The following KIAA0586 variants were observed in gnomAD, a reference collection of about 807,000 sequenced individuals.
KIAA0586 encodes KIAA0586.
Under a neutral mutation model 169.8 loss-of-function variants are expected in KIAA0586, and 144 were observed. The observed-to-expected ratio is 0.85, with a 90% CI of 0.74 to 0.97. The LOEUF (loss-of-function observed/expected upper bound fraction) is 0.97. KIAA0586 is among the 50% of genes least tolerant of loss of function. The pLI is 0.00. For missense variants in KIAA0586, 1,854 were observed against 1,823.0 expected (o/e 1.02, Z -0.31); for synonymous variants, 625 against 612.4 (o/e 1.02, Z -0.30).
intron 27 of KIAA0586, among the ~76,000 whole-genome samples, chr14:58,500,900 G>A (rs1446293266): frequency 2.0e-5 from 3 of 152,116 alleles, no homozygotes; most frequent in Non-Finnish European, 4.4e-5. Flanking sequence ...TCGTTGTTCA[G>A]CATCAACTGG....
rs369842274 is a variant in KIAA0586 at position 58,478,414 on chromosome 14, C to T, written c.2944+1173C>T. On this transcript the variant is annotated intron_variant, in intron 20 of 30. Transcript: ENST00000652326. The stretch of plus-strand genomic sequence containing the variant: ...AGGAGAATTGCTTGAACCCAGGAGG[C>T]GGAGGTTGCAGTGAGCCAAGGTCAC... Among the ~76,000 whole-genome samples the T allele has an allele frequency of 3.9e-5, 6 of 152,274 alleles. 1 individual carries two copies. Among genetic ancestry groups the T allele is most frequent in the African/African-American group, 2.4e-5 (1 of 41,560 alleles).
At chr14:58,552,359 TTTC>T (rs2140173153), downstream of KIAA0586, among the ~76,000 whole-genome samples, 1 of 152,272 alleles carries the variant, frequency 6.6e-6, no homozygotes, top group South Asian at 2.1e-4. Context: ...AAAATAATTT[TTTC>T]TTCTTGTCCT....
At chr14:58,524,708 T>G (rs1232729821) in intron 29 of KIAA0586, among the ~76,000 whole-genome samples, 2 of 152,332 alleles carry the variant, frequency 1.3e-5, no homozygotes, top group East Asian at 3.9e-4. Context: ...AGTATAGATA[T>G]TTCATGGTAA....
At chr14:58,512,667 C>A in intron 29 of KIAA0586, 40 bp downstream of exon 29, 1 of 1,033,598 alleles carries the variant, frequency 9.7e-7, no homozygotes, top group East Asian at 3.0e-5. Flanking sequence ...TAGTTTGATA[C>A]TTGTCTGAAT....
intron 9 of KIAA0586, among the ~76,000 whole-genome samples, chr14:58,456,095 A>G (rs940735338): frequency 6.6e-6 from 1 of 152,126 alleles, no homozygotes; most frequent in African/African-American, 2.4e-5. Flanking sequence ...CAGTTCAAAT[A>G]AAGACAAACA....
intron 29 of KIAA0586, among the ~76,000 whole-genome samples, chr14:58,538,622 A>G (rs573660462): frequency 1.3e-5 from 2 of 151,818 alleles, no homozygotes; most frequent in African/African-American, 4.8e-5. Context: ...ATTATTTTTT[A>G]CTATAGTCAC....
intron 26 of KIAA0586, among the ~76,000 whole-genome samples, chr14:58,494,206 T>C (rs1389091108): frequency 6.6e-6 from 1 of 152,026 alleles, no homozygotes; most frequent in Non-Finnish European, 1.5e-5. Context: ...ATTTTCTGTC[T>C]TTCTTTTCTT....
chr14:58,460,022 A>G lies in KIAA0586; in HGVS notation c.1836A>G (p.Leu612=), dbSNP rs567927914. The change falls in exon 13 of 31, where the codon CTA becomes CTG. Residue 612 remains leucine, a synonymous_variant. Transcript: ENST00000652326. ...QKQIEEHFRN[L]PMRGMPASSL... ...AAATAGAAGAGCATTTTAGAAATCTACCTATGAGGGGCATGCCTGCTTCAA... is the reference window on the plus strand; with the variant it reads ...AAATAGAAGAGCATTTTAGAAATCTGCCTATGAGGGGCATGCCTGCTTCAA... 3.3e-6 allele frequency: 5 copies of G among 1,534,340 alleles called. No homozygotes were observed. In the South Asian group the frequency reaches 3.6e-5, roughly 11 times the overall value.
At chr14:58,536,099 T>G (rs1307803959) in intron 29 of KIAA0586, among the ~76,000 whole-genome samples, 3 of 152,134 alleles carry the variant, frequency 2.0e-5, no homozygotes, top group African/African-American at 7.2e-5. Context: ...CAAATTTCAA[T>G]TTTTTAAAAA....
rs756960694 is a variant in KIAA0586, at chr14:58,490,176, T to G, written c.3794T>G (p.Ile1265Arg). Residue 1265 changes from isoleucine to arginine, a missense_variant, in exon 25 of 31, where the codon ATA becomes AGA. Physicochemically the swap from Ile to Arg is moderately conservative, Grantham distance 97. Coordinates refer to ENST00000652326, the MANE Select transcript of KIAA0586 (RefSeq NM_001329943.3). ...TTTTAATTTCTAGTTTTAGAAGATA[T>G]AGGACTGTACCTGACAAACCTTAAT... ...QKLAPKILEDIGLYLTNLNDS... is the reference protein window; with the variant it reads ...QKLAPKILEDRGLYLTNLNDS... 1 of 1,457,624 alleles carries G rather than the reference T, an allele frequency of 6.9e-7. No individual in the cohort carries two copies. Among genetic ancestry groups the G allele is most frequent in the African/African-American group, 1.4e-5 (1 of 69,968 alleles). 90.3% of individuals were successfully genotyped at this position (1,457,624 alleles called of 1,614,324 possible).
In KIAA0586 at chr14:58,521,220, A is replaced by G. The variant is rs2045197258; in HGVS notation, c.4429+8593A>G. The G allele has an allele frequency of 6.1e-6, 6 of 978,414 alleles. No individual in the cohort carries two copies. In the South Asian group the frequency reaches 8.4e-5, roughly 14 times the overall value. 60.6% of individuals were successfully genotyped at this position (978,414 alleles called of 1,614,324 possible). On this transcript the variant is annotated intron_variant, in intron 29 of 30. Coordinates refer to ENST00000652326, the MANE Select transcript of KIAA0586 (RefSeq NM_001329943.3). The stretch of plus-strand genomic sequence containing the variant: ...TTTGTGAGAAGCCTCATCATCCAAC[A>G]CAGTGGCCAGCAACGTTGCCGACAA...
At chr14:58,528,771 A>G (rs761432372) in intron 29 of KIAA0586, among the ~76,000 whole-genome samples, 1 of 152,222 alleles carries the variant, frequency 6.6e-6, no homozygotes, top group Non-Finnish European at 1.5e-5. Flanking sequence ...TAAAATTGGC[A>G]CCCTAACATC....
At chr14:58,508,732 A>G (rs2044177366) in intron 28 of KIAA0586, 23 bp downstream of exon 28, 2 of 1,548,548 alleles carry the variant, frequency 1.3e-6, no homozygotes, top group Non-Finnish European at 1.8e-6. Flanking sequence ...TAGCACTTGT[A>G]TTTTACTTAA....
chr14:58,481,809 CTTTGT>C lies in KIAA0586; in HGVS notation c.2945-685_2945-681del, dbSNP rs1263578393. Reference sequence around the variant, plus strand: ...ATACACGTATATTGGCATCTCTAAACTTTGTTTTGTTTTGTTTTGTTTTTGACAGA... The same window carrying C: ...ATACACGTATATTGGCATCTCTAAACTTTGTTTTGTTTTGTTTTTGACAGA... On this transcript the variant is annotated intron_variant, in intron 20 of 30. Coordinates refer to ENST00000652326, the MANE Select transcript of KIAA0586 (RefSeq NM_001329943.3). 3.8e-5 allele frequency among the ~76,000 whole-genome samples: 4 copies of C among 106,314 alleles called. No individual in the cohort carries two copies. In the Admixed American group the frequency reaches 3.8e-4, roughly 10 times the overall value. 69.7% of individuals were successfully genotyped at this position (106,314 alleles called of 152,430 possible).
chr14:58,483,140 C>G (rs1266036380), intron 21 of KIAA0586, among the ~76,000 whole-genome samples: 1 of 134,996 alleles, frequency 7.4e-6, no homozygotes, highest in East Asian at 2.2e-4. Context: ...CCTGTAAAAC[C>G]AAAGAATATG....
intron 4 of KIAA0586, chr14:58,439,965 T>A (rs2038164333): frequency 4.2e-6 from 1 of 235,918 alleles, no homozygotes; most frequent in Non-Finnish European, 7.4e-6. Flanking sequence ...CTTTTTTCTT[T>A]CAGTATTTAA....
chr14:58,513,741 A>G (rs1230812660), intron 29 of KIAA0586, among the ~76,000 whole-genome samples: 1 of 152,050 alleles, frequency 6.6e-6, no homozygotes, highest in East Asian at 1.9e-4. Context: ...ATGTTCTTCT[A>G]CTGAGTTCTC....
At chr14:58,531,501 C>T (rs2045968147) in intron 29 of KIAA0586, among the ~76,000 whole-genome samples, 1 of 152,068 alleles carries the variant, frequency 6.6e-6, no homozygotes, top group South Asian at 2.1e-4. Flanking sequence ...CCATCTCATG[C>T]CAGTTAGAAT....
chr14:58,539,943 G>C (rs939660467), intron 29 of KIAA0586, 128 bp from the exon 30 acceptor site: 24 of 573,930 alleles, frequency 4.2e-5, no homozygotes, highest in Non-Finnish European at 9.2e-6. Context: ...TCAAACTTCT[G>C]TTTACCTGGT....
Sources: allele counts gnomAD v4.1 joint callset (sites outside exome capture counted in the v4.1 genomes callset), GRCh38; gene constraint gnomAD v4.1.1; transcripts MANE v1.5; gene names NCBI Gene and HGNC (gene_info 2026-07-23, HGNC 2026-07-21).